SHOX: variants seen among roughly 807,000 people sequenced by gnomAD.
The protein encoded by SHOX is short stature homeobox protein.
In SHOX, 12 loss-of-function variants were observed where a neutral mutation model predicts 29.6. That is an observed-to-expected ratio of 0.41 (90% CI 0.26 to 0.66). The LOEUF (loss-of-function observed/expected upper bound fraction) is 0.66. Ranked by LOEUF, SHOX falls within the 30% of genes least tolerant of loss-of-function variation. The pLI, the probability that SHOX is intolerant of heterozygous loss-of-function variation, is 0.35. For missense variants in SHOX, 499 were observed against 437.7 expected (o/e 1.14, Z -1.25); for synonymous variants, 214 against 200.6 (o/e 1.07, Z -0.57).
intron 2 of SHOX, among the ~76,000 whole-genome samples, chrX:635,585 G>A (rs2052731113): frequency 6.6e-6 from 1 of 152,228 alleles, no homozygotes; most frequent in Non-Finnish European, 1.5e-5. Context: ...GCGGGGCACG[G>A]GGGCTCCCCG....
chrX:630,595 C>T (rs1421336587), upstream of SHOX: 1 of 541,158 alleles, frequency 1.8e-6, no homozygotes, highest in Non-Finnish European at 3.3e-6. Flanking sequence ...TCCCCCTTCG[C>T]ACCAAGGTGT....
chrX:624,717 C>CTTTT (rs1160536789), intron 1 of SHOX: 5 of 140,004 alleles, frequency 3.6e-5, no homozygotes, highest in Non-Finnish European at 7.6e-5. Context: ...TTCTTTCTTT[C>CTTTT]TTTCTTTCTT....
At chrX:633,815 C>G (rs1053776185) in intron 1 of SHOX, among the ~76,000 whole-genome samples, 6 of 152,064 alleles carry the variant, frequency 3.9e-5, no homozygotes, top group Non-Finnish European at 7.4e-5. Context: ...TTACTTAAAC[C>G]CCTGAGCTTG....
chrX:635,790 G>A (rs1415212083), intron 2 of SHOX, among the ~76,000 whole-genome samples: 1 of 152,010 alleles, frequency 6.6e-6, no homozygotes, highest in Non-Finnish European at 1.5e-5. Flanking sequence ...TGACAGTTCA[G>A]CTCCCCTGGA....
intron 5 of SHOX, among the ~76,000 whole-genome samples, chrX:658,270 C>T (rs373455636): frequency 3.9e-5 from 6 of 151,966 alleles, no homozygotes; most frequent in African/African-American, 9.7e-5. Flanking sequence ...CCAGCACGCC[C>T]GGCCCCAGGT....
upstream of SHOX, among the ~76,000 whole-genome samples, chrX:626,020 CTG>C (rs1203786088): frequency 5.2e-5 from 1 of 19,174 alleles, no homozygotes; most frequent in African/African-American, 5.9e-4. Flanking sequence ...TCTCTCCTCT[CTG>C]TCTCTTTTTC....
chrX:637,109 G>A (rs984267693), intron 2 of SHOX, among the ~76,000 whole-genome samples: 8 of 151,856 alleles, frequency 5.3e-5, no homozygotes, highest in African/African-American at 1.9e-4. Context: ...GCCCAGGAGG[G>A]AGAGAGGCTT....
chrX:642,276 G>T (rs1442275846), intron 4 of SHOX, among the ~76,000 whole-genome samples: 1 of 151,960 alleles, frequency 6.6e-6, no homozygotes, highest in African/African-American at 2.4e-5. Context: ...GGGGTCGGGA[G>T]TGCATGCGCG....
In SHOX at chrX:658,889, C is replaced by T. The variant is rs960793623; in HGVS notation, c.*60C>T. ...AAGCGATTCTCCTGCCTCAGCCTCC[C>T]GAGTAGCTGGGATTACAGGTGCCCA... On this transcript the variant is annotated 3_prime_UTR_variant, in exon 6 of 6. Coordinates refer to the SHOX transcript ENST00000334060. The T allele has an allele frequency of 1.4e-4, 44 of 323,522 alleles. 1 individual carries two copies. Among genetic ancestry groups the T allele is most frequent in the Admixed American group, 2.9e-4 (9 of 31,296 alleles). 20.0% of individuals were successfully genotyped at this position (323,522 alleles called of 1,614,324 possible). A position where few individuals can be genotyped will look rare whatever the true frequency, so the allele number is the denominator to read the frequency against.
At chrX:631,263 G>A (rs1234408491) in intron 1 of SHOX, 89 bp downstream of exon 1, 17 of 1,498,906 alleles carry the variant, frequency 1.1e-5, no homozygotes, top group Non-Finnish European at 1.5e-5. Context: ...GCCCCTCGCT[G>A]TGCACATTTG....
At chrX:626,322 CTCTG>C (rs2052532163), upstream of SHOX, among the ~76,000 whole-genome samples, 2 of 135,290 alleles carry the variant, frequency 1.5e-5, no homozygotes, top group Non-Finnish European at 1.6e-5. Context: ...CTCTCTTTTT[CTCTG>C]TCTCTGTCTG....
Position 651,173 on chromosome X carries a change from C to T in SHOX, c.*6537C>T. 1 of 405,360 alleles carries T rather than the reference C, an allele frequency of 2.5e-6. No individual in the cohort carries two copies. The highest frequency in any genetic ancestry group is 4.9e-6 in the Non-Finnish European group (1 of 202,682). 25.1% of individuals were successfully genotyped at this position (405,360 alleles called of 1,614,324 possible). The stretch of plus-strand genomic sequence containing the variant: ...TTAATTATGTCGAGTGTAAATTTGA[C>T]ATCGCGTTGCATTTATTTTTATATT... On this transcript the variant is annotated 3_prime_UTR_variant, in exon 5 of 5. Coordinates refer to ENST00000686671, the MANE Select transcript of SHOX (RefSeq NM_000451.4).
chrX:638,258 T>C (rs894416680), intron 2 of SHOX, among the ~76,000 whole-genome samples: 3 of 141,282 alleles, frequency 2.1e-5, no homozygotes, highest in Non-Finnish European at 4.5e-5. Flanking sequence ...TCTTCATCAT[T>C]TTTTTTTTTC....
chrX:634,096 C>T lies in SHOX; in HGVS notation c.278-522C>T, dbSNP rs957237686. Reference sequence around the variant, plus strand: ...ACTCAGACGCGGTTCTGCTGTTCTGCTGAGAAACAGGCTTCGGGTAGGGGC... The same window carrying T: ...ACTCAGACGCGGTTCTGCTGTTCTGTTGAGAAACAGGCTTCGGGTAGGGGC... On this transcript the variant is annotated intron_variant, in intron 1 of 4. Transcript: ENST00000686671. 1.2e-3 allele frequency among the ~76,000 whole-genome samples: 181 copies of T among 152,350 alleles called. 1 individual carries two copies. Among genetic ancestry groups the T allele is most frequent in the African/African-American group, 4.2e-3 (175 of 41,592 alleles).
chrX:658,136 G>GTCAA (rs1569496928), intron 5 of SHOX, among the ~76,000 whole-genome samples: 3 of 151,898 alleles, frequency 2.0e-5, no homozygotes, highest in Non-Finnish European at 4.4e-5. Context: ...CACCACGCCT[G>GTCAA]GCTAATGTTT....
chrX:631,375 C>G (rs559051865), intron 1 of SHOX, among the ~76,000 whole-genome samples: 1,691 of 152,158 alleles, frequency 0.011, 12 homozygotes, highest in East Asian at 0.035. Flanking sequence ...TGGTGGGTAG[C>G]GGGGTGCGGG....
At chrX:625,526 T>G (rs1308020827) in intron 1 of SHOX, among the ~76,000 whole-genome samples, 6 of 152,056 alleles carry the variant, frequency 3.9e-5, no homozygotes, top group African/African-American at 1.4e-4. Context: ...TGTCTATCTC[T>G]GTATCTCTGT....
chrX:625,865 T>A (rs1229272471), upstream of SHOX, among the ~76,000 whole-genome samples: 3 of 128,308 alleles, frequency 2.3e-5, no homozygotes, highest in East Asian at 6.3e-4. Flanking sequence ...TCTCTGTCTA[T>A]CTCTGTCTCT....
intron 2 of SHOX, 22 bp downstream of exon 2, chrX:634,848 CG>C (rs767572515): frequency 5.1e-5 from 78 of 1,535,366 alleles, no homozygotes; most frequent in East Asian, 2.4e-4. Flanking sequence ...GGGGCGGGGG[CG>C]GGGGGCCCGG....
Sources: gnomAD v4.1 joint callset for allele counts (sites outside exome capture counted in the v4.1 genomes callset) on GRCh38, gnomAD v4.1.1 for gene constraint, MANE v1.5 for transcripts, NCBI Gene and HGNC (gene_info 2026-07-23, HGNC 2026-07-21) for gene names.